Variants in GPX5 observed in about 807,000 individuals in gnomAD.
GPX5 encodes the protein epididymal secretory glutathione peroxidase.
Under a neutral mutation model 23.8 loss-of-function variants are expected in GPX5, and 20 were observed. The ratio of observed to expected loss-of-function variants is 0.84; its 90% CI spans 0.59 to 1.22. GPX5 has a LOEUF of 1.22. GPX5 is among the 50% of genes most tolerant of loss of function. GPX5 has a pLI of 0.00. For synonymous variants in GPX5, 92 were observed against 99.5 expected (o/e 0.92, Z 0.45); for missense variants, 230 against 266.6 (o/e 0.86, Z 0.96).
chr6:28,529,370 T>C, intron 1 of GPX5, 81 bp from the exon 2 acceptor site: 1 of 1,153,666 alleles, frequency 8.7e-7, no homozygotes, highest in Non-Finnish European at 1.2e-6. Context: ...AGAACATAAC[T>C]ATTCTTTGAC....
At chr6:28,529,658 AT>A in intron 2 of GPX5, 54 bp downstream of exon 2, 1 of 1,228,116 alleles carries the variant, frequency 8.1e-7, no homozygotes, top group Non-Finnish European at 1.1e-6. Context: ...AGCTGATCAT[AT>A]TCTAAATTAT....
chr6:28,531,197 C>CTGT (rs1276446555), intron 2 of GPX5, among the ~76,000 whole-genome samples: 8 of 132,612 alleles, frequency 6.0e-5, no homozygotes, highest in Non-Finnish European at 1.2e-4. Context: ...GGCGAAACCC[C>CTGT]GTCTCTACTA....
chr6:28,532,644 G>A (rs1030998623), intron 4 of GPX5, among the ~76,000 whole-genome samples: 8 of 152,244 alleles, frequency 5.3e-5, no homozygotes, highest in Admixed American at 1.3e-4. Context: ...TGTGTGGAAT[G>A]GCAACTTTTA....
chr6:28,526,119 G>A lies in GPX5; in HGVS notation c.87+19G>A, dbSNP rs753885567. Reference sequence around the variant, plus strand: ...GATGAAGGTGAGTGAGCTTCAGAGAGGGCATGGTAGTTACTCTTCTGTCCT... The same window carrying A: ...GATGAAGGTGAGTGAGCTTCAGAGAAGGCATGGTAGTTACTCTTCTGTCCT... On this transcript the variant is annotated intron_variant, in intron 1 of 4. Coordinates refer to ENST00000412168, the MANE Select transcript of GPX5 (RefSeq NM_001509.3). 6.3e-7 allele frequency: 1 copy of A among 1,577,854 alleles called. No homozygotes were observed. Among genetic ancestry groups the A allele is most frequent in the Admixed American group, 1.7e-5 (1 of 59,970 alleles).
At chr6:28,526,377 A>T (rs1203987540) in intron 1 of GPX5, among the ~76,000 whole-genome samples, 1 of 152,182 alleles carries the variant, frequency 6.6e-6, no homozygotes, top group African/African-American at 2.4e-5. Flanking sequence ...CTCTCTGGCC[A>T]CATCAGTCTC....
At chr6:28,527,540 C>A (rs1398613715) in intron 1 of GPX5, among the ~76,000 whole-genome samples, 1 of 152,164 alleles carries the variant, frequency 6.6e-6, no homozygotes, top group Non-Finnish European at 1.5e-5. Context: ...TGCATTACTC[C>A]TTCTCTGAAT....
intron 4 of GPX5, among the ~76,000 whole-genome samples, chr6:28,533,058 C>T (rs534332841): frequency 3.9e-5 from 6 of 152,098 alleles, no homozygotes; most frequent in Non-Finnish European, 8.8e-5. Flanking sequence ...GAGCTGGAGG[C>T]TGAAGTGAGC....
Position 28,534,556 on chromosome 6 carries a change from G to C in GPX5, c.*389G>C, listed in dbSNP as rs1244493415. 2 of 174,202 alleles carry C rather than the reference G, an allele frequency of 1.1e-5. No homozygotes were observed. The highest frequency in any genetic ancestry group is 2.4e-5 in the Non-Finnish European group (2 of 83,274). 10.8% of individuals were successfully genotyped at this position (174,202 alleles called of 1,614,324 possible). A position where few individuals can be genotyped will look rare whatever the true frequency, so the allele number is the denominator to read the frequency against. On this transcript the variant is annotated 3_prime_UTR_variant, in exon 5 of 5. Transcript: ENST00000412168. ...GACTCTTCCATCTCTCTCTACCCTGGAGGTGTAGAAATAGCAATGGGGTCA... is the reference window on the plus strand; with the variant it reads ...GACTCTTCCATCTCTCTCTACCCTGCAGGTGTAGAAATAGCAATGGGGTCA...
intron 1 of GPX5, among the ~76,000 whole-genome samples, chr6:28,526,737 T>C (rs1476996192): frequency 1.3e-5 from 2 of 152,088 alleles, no homozygotes; most frequent in Non-Finnish European, 2.9e-5. Flanking sequence ...TAATAATGAA[T>C]GCGATAACTT....
At position 28,534,221 on chromosome 6, in the gene GPX5, TC is replaced by T; in HGVS notation, c.*58del. 1 of 1,273,876 alleles carries T rather than the reference TC, an allele frequency of 7.9e-7. No individual in the cohort carries two copies. Among genetic ancestry groups the T allele is most frequent in the Non-Finnish European group, 1.1e-6 (1 of 931,024 alleles). The allele number at this position is 1,273,876 out of a possible 1,614,324, so 78.9% of individuals were successfully genotyped here. ...CTACTTCTCACCTAATGACTTGCTC[TC>T]CCCACCCCTCCAAAAAAAAGGAATA... On this transcript the variant is annotated 3_prime_UTR_variant, in exon 5 of 5. Coordinates refer to ENST00000412168, the MANE Select transcript of GPX5 (RefSeq NM_001509.3).
intron 2 of GPX5, 82 bp downstream of exon 2, chr6:28,529,686 T>A: frequency 6.3e-6 from 6 of 948,022 alleles, no homozygotes; most frequent in Non-Finnish European, 8.9e-6. Flanking sequence ...AATTATATTT[T>A]AATTATAATT....
intron 2 of GPX5, chr6:28,529,955 G>GA (rs563911732): frequency 2.4e-4 from 44 of 180,042 alleles, no homozygotes; most frequent in African/African-American, 8.9e-4. Flanking sequence ...GCCCTTTACA[G>GA]AAAAAATGTG....
chr6:28,527,027 C>G (rs1763220777), intron 1 of GPX5: 1 of 152,086 alleles, frequency 6.6e-6, no homozygotes. Context: ...TTTATGTTAC[C>G]TGTGGTGCTT....
intron 4 of GPX5, among the ~76,000 whole-genome samples, chr6:28,532,995 C>G (rs1345024206): frequency 6.6e-6 from 1 of 152,126 alleles, no homozygotes; most frequent in Admixed American, 6.6e-5. Context: ...GTGGCACGTA[C>G]CTGTAGTCTC....
At chr6:28,533,305 T>C (rs1269560861) in intron 4 of GPX5, among the ~76,000 whole-genome samples, 2 of 152,140 alleles carry the variant, frequency 1.3e-5, no homozygotes, top group African/African-American at 4.8e-5. Context: ...TAAGACTTTA[T>C]ATATCCTCAA....
intron 1 of GPX5, 52 bp from the exon 2 acceptor site, chr6:28,529,399 A>G (rs759655360): frequency 3.2e-5 from 46 of 1,419,260 alleles, no homozygotes; most frequent in Non-Finnish European, 4.4e-5. Flanking sequence ...AAGATTACAC[A>G]GATGCCAGGA....
chr6:28,532,838 G>C (rs2113636704), intron 4 of GPX5, among the ~76,000 whole-genome samples: 3 of 152,308 alleles, frequency 2.0e-5, no homozygotes, highest in East Asian at 3.9e-4. Context: ...TATGTAGCTG[G>C]GGTGGTGGTT....
intron 4 of GPX5, 82 bp downstream of exon 4, chr6:28,532,502 G>A: frequency 1.1e-6 from 1 of 901,914 alleles, no homozygotes; most frequent in Non-Finnish European, 1.7e-6. Context: ...TGGATCCAAG[G>A]GCTCATGCCC....
intron 2 of GPX5, among the ~76,000 whole-genome samples, chr6:28,530,464 A>C (rs1178991475): frequency 6.6e-6 from 1 of 152,184 alleles, no homozygotes; most frequent in Non-Finnish European, 1.5e-5. Context: ...CAAAAGAAAA[A>C]AACTTTAGAA....
Sources: allele counts gnomAD v4.1 joint callset (sites outside exome capture counted in the v4.1 genomes callset), GRCh38; gene constraint gnomAD v4.1.1; transcripts MANE v1.5; gene names NCBI Gene and HGNC (gene_info 2026-07-23, HGNC 2026-07-21).